LTBP1: variants seen among roughly 807,000 people sequenced by gnomAD.
The protein encoded by LTBP1 is latent-transforming growth factor beta-binding protein 1.
A neutral mutation model predicts 207.6 loss-of-function variants in LTBP1; 129 were observed. The observed-to-expected ratio is 0.62, with a 90% CI of 0.54 to 0.72. The LOEUF is 0.72. Ranked by LOEUF, LTBP1 falls within the 30% of genes least tolerant of loss-of-function variation. LTBP1 has a pLI of 0.00. For synonymous variants in LTBP1, 963 were observed against 833.7 expected (o/e 1.16, Z -2.67); for missense variants, 2,281 against 2,217.2 (o/e 1.03, Z -0.58).
At chr2:33,284,193 T>C (rs191557956) in intron 19 of LTBP1, among the ~76,000 whole-genome samples, 1 of 152,338 alleles carries the variant, frequency 6.6e-6, no homozygotes, top group Admixed American at 6.5e-5. Context: ...TCTCCTTGAT[T>C]TATAAATTAG....
chr2:33,297,663 A>G (rs2093906066), intron 20 of LTBP1, among the ~76,000 whole-genome samples: 1 of 152,038 alleles, frequency 6.6e-6, no homozygotes, highest in African/African-American at 2.4e-5. Flanking sequence ...TGACCTTGTG[A>G]TCCGCCCACC....
At chr2:33,349,058 T>A (rs1341852041) in intron 26 of LTBP1, among the ~76,000 whole-genome samples, 1 of 152,212 alleles carries the variant, frequency 6.6e-6, no homozygotes. Context: ...TCTGATTTCA[T>A]CAGAGTCAAT....
At position 33,143,791 on chromosome 2, in the gene LTBP1, T is replaced by G. The variant is rs576502615; in HGVS notation, c.1201+8831T>G. 8.5e-3 allele frequency among the ~76,000 whole-genome samples: 1,285 copies of G among 152,038 alleles called. 21 individuals are homozygous for G. The highest frequency in any genetic ancestry group is 0.029 in the African/African-American group (1,209 of 41,474). ...CTGCCTGTGCTGTTTTTTGTTGTTT[T>G]TTTTTTTTTTCTTTCCTATTATACC... On this transcript the variant is annotated intron_variant, in intron 5 of 33. Coordinates refer to ENST00000404816, the MANE Select transcript of LTBP1 (RefSeq NM_206943.4).
At chr2:33,154,182 T>C (rs75010700) in intron 5 of LTBP1, among the ~76,000 whole-genome samples, 2,289 of 152,330 alleles carry the variant, frequency 0.015, 24 homozygotes, top group East Asian at 0.027. Flanking sequence ...CATACCAAAA[T>C]TACATTAGCT....
intron 3 of LTBP1, among the ~76,000 whole-genome samples, chr2:33,073,260 C>T (rs448658): frequency 0.76 from 114,681 of 151,546 alleles, 45,460 homozygotes; most frequent in East Asian, 0.98. Flanking sequence ...TATGTAATCA[C>T]AGAATGATGT....
intron 5 of LTBP1, among the ~76,000 whole-genome samples, chr2:33,149,818 C>T (rs1307020862): frequency 6.6e-6 from 1 of 152,114 alleles, no homozygotes; most frequent in African/African-American, 2.4e-5. Context: ...TGCTCATTTG[C>T]AATGTGTCTG....
intron 24 of LTBP1, among the ~76,000 whole-genome samples, chr2:33,316,920 G>C (rs1235743190): frequency 6.6e-6 from 1 of 152,074 alleles, no homozygotes; most frequent in Non-Finnish European, 1.5e-5. Flanking sequence ...TGCTTCCTAA[G>C]AAATGGTCTG....
intron 31 of LTBP1, among the ~76,000 whole-genome samples, chr2:33,379,381 T>G (rs151304804): frequency 6.6e-6 from 1 of 152,144 alleles, no homozygotes; most frequent in African/African-American, 2.4e-5. Flanking sequence ...AGCTAATTTT[T>G]TGTATTTTTA....
intron 2 of LTBP1, among the ~76,000 whole-genome samples, chr2:33,019,331 T>C (rs1464611239): frequency 3.7e-5 from 5 of 134,130 alleles, no homozygotes; most frequent in Non-Finnish European, 7.9e-5. Flanking sequence ...TACACTTCTT[T>C]TTTTTTTTTT....
chr2:33,308,534 T>G (rs1045534615), intron 22 of LTBP1, among the ~76,000 whole-genome samples: 2 of 152,138 alleles, frequency 1.3e-5, no homozygotes, highest in Non-Finnish European at 2.9e-5. Flanking sequence ...CAGATATGCT[T>G]CTGTTACACA....
chr2:33,098,976 G>C (rs1360843545), intron 3 of LTBP1, among the ~76,000 whole-genome samples: 1 of 152,158 alleles, frequency 6.6e-6, no homozygotes, highest in Non-Finnish European at 1.5e-5. Context: ...TGTTGTTCTA[G>C]TATAAGAAGA....
chr2:33,024,841 C>G (rs1404890686), intron 3 of LTBP1, among the ~76,000 whole-genome samples: 1 of 152,180 alleles, frequency 6.6e-6, no homozygotes, highest in Non-Finnish European at 1.5e-5. Flanking sequence ...AAATAACATG[C>G]ATTTATTGAC....
chr2:33,021,143 C>A lies in LTBP1; in HGVS notation c.800C>A (p.Ala267Asp). ...ACTCTACCAAGAGTCAGCCCTGTGG[C>A]CCAGATGACCTTAACCCTCAAGCCG... Reference protein sequence around the residue: ...ADTLPRVSPVAQMTLTLKPKP... With the variant: ...ADTLPRVSPVDQMTLTLKPKP... The change falls in exon 3 of 34, where the codon GCC becomes GAC. Residue 267 changes from alanine (A) to aspartate (D), a missense_variant. By Grantham distance (126) the Ala-to-Asp change is moderately radical. Coordinates refer to ENST00000404816, the MANE Select transcript of LTBP1 (RefSeq NM_206943.4). The A allele has an allele frequency of 6.2e-7, 1 of 1,613,552 alleles. No individual in the cohort carries two copies. The highest frequency in any genetic ancestry group is 8.5e-7 in the Non-Finnish European group (1 of 1,179,692).
rs775780270 is a variant in LTBP1 at position 33,293,164 on chromosome 2, G to A, written c.3117G>A (p.Val1039=). 6 of 1,612,050 alleles carry A rather than the reference G, an allele frequency of 3.7e-6. No individual in the cohort carries two copies. In the African/African-American group the frequency reaches 8.0e-5, roughly 22 times the overall value. ...CATTACGCAACATTCTTCAAGATGT[G>A]GACGAGTGCCTGGAACCAAACGTCT... ...FRGWNGQCLD[V]DECLEPNVCA... Residue 1039 remains valine, a synonymous_variant, in exon 20 of 34, where the codon GTG becomes GTA. Transcript: ENST00000404816.
intron 3 of LTBP1, among the ~76,000 whole-genome samples, chr2:33,108,415 G>A (rs931033018): frequency 6.6e-6 from 1 of 152,066 alleles, no homozygotes; most frequent in African/African-American, 2.4e-5. Context: ...TGATGGCTGA[G>A]GGCTGTTAAC....
At chr2:33,389,097 C>G (rs531295784) in intron 31 of LTBP1, 87 bp from the exon 32 acceptor site, 1 of 1,573,914 alleles carries the variant, frequency 6.4e-7, no homozygotes, top group Non-Finnish European at 8.7e-7. Context: ...GGTGTGCTGG[C>G]AGATTCCCGT....
chr2:33,020,356 C>G (rs761966791), intron 2 of LTBP1, among the ~76,000 whole-genome samples: 1 of 152,018 alleles, frequency 6.6e-6, no homozygotes, highest in South Asian at 2.1e-4. Context: ...TTTGCCAAGT[C>G]TTGGCAAAAA....
intron 7 of LTBP1, among the ~76,000 whole-genome samples, chr2:33,205,521 A>T (rs559955808): frequency 6.6e-6 from 1 of 152,180 alleles, no homozygotes. Flanking sequence ...TCTGCTCTGC[A>T]TATTTCAGGG....
intron 33 of LTBP1, 152 bp downstream of exon 33, chr2:33,397,434 C>A: frequency 3.2e-6 from 2 of 634,034 alleles, no homozygotes; most frequent in Non-Finnish European, 2.7e-6. Context: ...TATGAATATA[C>A]TTAATGCCAC....
Sources: gnomAD v4.1 joint callset for allele counts (sites outside exome capture counted in the v4.1 genomes callset) on GRCh38, gnomAD v4.1.1 for gene constraint, MANE v1.5 for transcripts, NCBI Gene and HGNC (gene_info 2026-07-23, HGNC 2026-07-21) for gene names.